The following DPF3 variants were observed in gnomAD, a reference collection of about 807,000 sequenced individuals.
DPF3 encodes zinc finger protein DPF3.
DPF3 carries 18 observed loss-of-function variants against 56.8 expected under a neutral mutation model. The ratio of observed to expected loss-of-function variants is 0.32; its 90% CI spans 0.22 to 0.47. The LOEUF (loss-of-function observed/expected upper bound fraction) is 0.47. Ranked by LOEUF, DPF3 falls within the 20% of genes least tolerant of loss-of-function variation. The pLI is 1.00. For missense variants in DPF3, 403 were observed against 488.8 expected, an observed-to-expected ratio of 0.82 and a Z score of 1.65; for synonymous variants, 188 against 180.2, an observed-to-expected ratio of 1.04 and a Z score of -0.35.
intron 1 of DPF3, among the ~76,000 whole-genome samples, chr14:72,876,439 G>A (rs1429979731): frequency 6.6e-6 from 1 of 152,130 alleles, no homozygotes; most frequent in Non-Finnish European, 1.5e-5. Context: ...ACGATGAGGA[G>A]TATGAGTCTC....
chr14:72,688,270 AGTGGGTGG>A (rs1225688362), intron 7 of DPF3, among the ~76,000 whole-genome samples: 2 of 33,040 alleles, frequency 6.1e-5, no homozygotes, highest in African/African-American at 2.4e-4. Flanking sequence ...TGGGTGGATG[AGTGGGTGG>A]GTGGGTGGGT....
At chr14:72,651,924 C>T (rs1157944750) in intron 8 of DPF3, among the ~76,000 whole-genome samples, 5 of 152,190 alleles carry the variant, frequency 3.3e-5, no homozygotes, top group African/African-American at 4.8e-5. Flanking sequence ...CATAACTCCA[C>T]GTCACTGACC....
At chr14:72,703,621 G>C (rs1290428461) in intron 6 of DPF3, among the ~76,000 whole-genome samples, 1 of 152,130 alleles carries the variant, frequency 6.6e-6, no homozygotes, top group Non-Finnish European at 1.5e-5. Flanking sequence ...TGCCTTCTTG[G>C]GTCAGCTGAT....
intron 6 of DPF3, among the ~76,000 whole-genome samples, chr14:72,705,499 C>T (rs1217035373): frequency 6.6e-6 from 1 of 152,086 alleles, no homozygotes; most frequent in African/African-American, 2.4e-5. Flanking sequence ...AAAACCTGCC[C>T]TCCGCCCCTG....
intron 1 of DPF3, among the ~76,000 whole-genome samples, chr14:72,826,042 T>C (rs142975960): frequency 6.6e-6 from 1 of 152,254 alleles, no homozygotes; most frequent in Non-Finnish European, 1.5e-5. Context: ...GGGACAGTCA[T>C]TGATCTCGGC....
intron 8 of DPF3, among the ~76,000 whole-genome samples, chr14:72,656,021 T>C (rs1400842884): frequency 6.6e-6 from 1 of 152,198 alleles, no homozygotes; most frequent in Non-Finnish European, 1.5e-5. Context: ...CCAAGGTGTT[T>C]CTCCTGTGCT....
At chr14:72,809,152 A>T (rs1050718334) in intron 1 of DPF3, among the ~76,000 whole-genome samples, 4 of 152,234 alleles carry the variant, frequency 2.6e-5, no homozygotes, top group Non-Finnish European at 5.9e-5. Flanking sequence ...CCATGTTGTG[A>T]TGCAGAAGGA....
chr14:72,725,842 G>C (rs1889387076), intron 4 of DPF3, among the ~76,000 whole-genome samples: 1 of 152,114 alleles, frequency 6.6e-6, no homozygotes, highest in Non-Finnish European at 1.5e-5. Flanking sequence ...ACAGGGATCA[G>C]GACACTTCTA....
At chr14:72,687,792 C>T (rs968380774) in intron 7 of DPF3, among the ~76,000 whole-genome samples, 20 of 152,140 alleles carry the variant, frequency 1.3e-4, no homozygotes, top group African/African-American at 4.3e-4. Context: ...TGAGTATGCA[C>T]CAGAATGCCC....
chr14:72,761,259 C>T (rs1048188246), intron 2 of DPF3, among the ~76,000 whole-genome samples: 1 of 152,074 alleles, frequency 6.6e-6, no homozygotes, highest in Non-Finnish European at 1.5e-5. Flanking sequence ...CAAACAACAA[C>T]AGCAAAACAC....
chr14:72,857,946 G>A (rs575182098), intron 1 of DPF3, among the ~76,000 whole-genome samples: 1 of 152,012 alleles, frequency 6.6e-6, no homozygotes, highest in African/African-American at 2.4e-5. Context: ...TTGAGGTAGG[G>A]AAACTGTGTG....
chr14:72,759,146 A>G (rs937777138), intron 2 of DPF3, among the ~76,000 whole-genome samples: 7 of 152,256 alleles, frequency 4.6e-5, no homozygotes, highest in Admixed American at 3.3e-4. Context: ...AATGAAAACT[A>G]TAATGTGCAA....
chr14:72,725,795 C>T (rs59715909), intron 4 of DPF3, among the ~76,000 whole-genome samples: 4,368 of 152,228 alleles, frequency 0.029, 205 homozygotes, highest in African/African-American at 0.1. Context: ...AGTGATCTTC[C>T]ACCACTGCCC....
chr14:72,669,369 C>T (rs1225337515), intron 8 of DPF3, among the ~76,000 whole-genome samples: 1 of 152,236 alleles, frequency 6.6e-6, no homozygotes, highest in African/African-American at 2.4e-5. Context: ...CAGAACTGTG[C>T]ACTCCTGGAG....
intron 4 of DPF3, among the ~76,000 whole-genome samples, chr14:72,724,533 G>C (rs953299448): frequency 2.0e-5 from 3 of 151,928 alleles, no homozygotes; most frequent in Admixed American, 6.6e-5. Context: ...CCATGTAGGG[G>C]CCTAAGCACG....
chr14:72,813,854 C>T (rs1178485138), intron 1 of DPF3, among the ~76,000 whole-genome samples: 1 of 152,198 alleles, frequency 6.6e-6, no homozygotes, highest in Admixed American at 6.5e-5. Context: ...CGGCTGGTCC[C>T]CCTCCTTCCC....
At chr14:72,679,696 G>A (rs547946296) in intron 7 of DPF3, among the ~76,000 whole-genome samples, 4 of 152,334 alleles carry the variant, frequency 2.6e-5, no homozygotes, top group South Asian at 4.1e-4. Context: ...GGCAGCCTCC[G>A]CTCTTGCCAC....
intron 7 of DPF3, chr14:72,675,785 T>C (rs1242518716): frequency 1.3e-5 from 2 of 152,242 alleles, no homozygotes; most frequent in Non-Finnish European, 2.9e-5. Context: ...AGGCAGACAA[T>C]TCTCTGCAAG....
intron 8 of DPF3, chr14:72,661,981 A>ATGATAACTAGGAGGCAGGCTGCTTC: frequency 3.0e-6 from 3 of 984,524 alleles, no homozygotes; most frequent in Non-Finnish European, 3.6e-6. Flanking sequence ...CTCATCAGAC[A>ATGATAACTAGGAGGCAGGCTGCTTC]TGATAACTAG....
Sources: allele counts gnomAD v4.1 joint callset (sites outside exome capture counted in the v4.1 genomes callset), GRCh38; gene constraint gnomAD v4.1.1; transcripts MANE v1.5; gene names NCBI Gene and HGNC (gene_info 2026-07-23, HGNC 2026-07-21).